The following WWOX variants were observed in gnomAD, a reference collection of about 807,000 sequenced individuals.
WWOX encodes WW domain containing oxidoreductase.
In WWOX, 69 loss-of-function variants were observed where a neutral mutation model predicts 46.2. The ratio of observed to expected loss-of-function variants is 1.49; its 90% CI spans 1.23 to 1.82. The LOEUF (loss-of-function observed/expected upper bound fraction) is 1.82. Among genes scored for constraint, WWOX ranks in the 40% most tolerant of loss-of-function variants. The pLI is 0.00. For synonymous variants in WWOX, 359 were observed against 202.6 expected (o/e 1.77, Z -6.56); for missense variants, 919 against 542.6 (o/e 1.69, Z -6.89).
intron 8 of WWOX, among the ~76,000 whole-genome samples, chr16:79,125,464 C>G (rs113943230): frequency 5.9e-4 from 90 of 152,286 alleles, no homozygotes; most frequent in African/African-American, 2.1e-3. Context: ...CTTAATTACG[C>G]TTTCTTTCAT....
intron 8 of WWOX, among the ~76,000 whole-genome samples, chr16:78,878,729 C>G (rs970735151): frequency 1.3e-5 from 2 of 151,982 alleles, no homozygotes; most frequent in African/African-American, 4.8e-5. Flanking sequence ...AGTCTGGCTT[C>G]TATCCTGACA....
chr16:78,963,876 T>C (rs1043876393), intron 8 of WWOX, among the ~76,000 whole-genome samples: 1 of 152,158 alleles, frequency 6.6e-6, no homozygotes, highest in Non-Finnish European at 1.5e-5. Flanking sequence ...GGAGAGGTAA[T>C]TGAATCATGG....
intron 8 of WWOX, among the ~76,000 whole-genome samples, chr16:78,911,620 C>G (rs750467082): frequency 6.6e-6 from 1 of 152,028 alleles, no homozygotes; most frequent in African/African-American, 2.4e-5. Context: ...AATCCCAACA[C>G]TTTGGGAAGC....
chr16:78,175,581 C>T (rs1033762098), intron 5 of WWOX, among the ~76,000 whole-genome samples: 2 of 152,138 alleles, frequency 1.3e-5, no homozygotes, highest in Non-Finnish European at 2.9e-5. Flanking sequence ...GAGGCCCATG[C>T]AACAAGGAAT....
intron 8 of WWOX, among the ~76,000 whole-genome samples, chr16:79,183,007 T>C (rs1191901611): frequency 6.6e-6 from 1 of 152,206 alleles, no homozygotes; most frequent in Non-Finnish European, 1.5e-5. Context: ...GTGGTGGCCC[T>C]CGTCTGACAC....
At chr16:78,524,404 A>G (rs890705021) in intron 8 of WWOX, among the ~76,000 whole-genome samples, 14 of 139,030 alleles carry the variant, frequency 1.0e-4, no homozygotes, top group Admixed American at 4.2e-4. Flanking sequence ...TTATTTATTT[A>G]TTTGTTTATT....
intron 8 of WWOX, chr16:78,890,149 A>T (rs1370483747): frequency 1.3e-5 from 2 of 152,230 alleles, no homozygotes; most frequent in Admixed American, 1.3e-4. Flanking sequence ...CATCAATGTC[A>T]TAACAGTTTT....
intron 8 of WWOX, among the ~76,000 whole-genome samples, chr16:78,620,393 T>C (rs2046148566): frequency 6.6e-6 from 1 of 152,178 alleles, no homozygotes. Context: ...CAGACTCGTG[T>C]AGAAGTTTCT....
chr16:78,937,260 C>G (rs572085461), intron 8 of WWOX, among the ~76,000 whole-genome samples: 56 of 152,106 alleles, frequency 3.7e-4, no homozygotes, highest in African/African-American at 1.3e-3. Context: ...GAAAGTGACC[C>G]AAATAATACA....
At chr16:79,188,859 A>G (rs1300724293) in intron 8 of WWOX, among the ~76,000 whole-genome samples, 5 of 152,208 alleles carry the variant, frequency 3.3e-5, no homozygotes, top group Non-Finnish European at 7.3e-5. Flanking sequence ...GCGCCAAGGT[A>G]AGCTGAAGGC....
intron 5 of WWOX, among the ~76,000 whole-genome samples, chr16:78,353,277 G>C (rs2081219206): frequency 6.6e-6 from 1 of 152,180 alleles, no homozygotes; most frequent in African/African-American, 2.4e-5. Flanking sequence ...ACACAGATGA[G>C]GCTATTAGGA....
Position 78,903,185 on chromosome 16 carries a change from T to C in WWOX, c.1057-308423T>C, listed in dbSNP as rs966895386. ...CTAAATACTCCCTAGATGTTTCCCA[T>C]TGGCCACTTGGGGTACACCCCTTAT... On this transcript the variant is annotated intron_variant, in intron 8 of 8. Coordinates refer to ENST00000566780, the MANE Select transcript of WWOX (RefSeq NM_016373.4). 2.6e-5 allele frequency among the ~76,000 whole-genome samples: 4 copies of C among 152,324 alleles called. 1 individual carries two copies. Among genetic ancestry groups the C allele is most frequent in the African/African-American group, 9.6e-5 (4 of 41,566 alleles).
intron 5 of WWOX, among the ~76,000 whole-genome samples, chr16:78,288,850 T>G (rs928825813): frequency 6.6e-6 from 1 of 152,134 alleles, no homozygotes; most frequent in Non-Finnish European, 1.5e-5. Context: ...TGCTAGATTT[T>G]TTAAGTGGAA....
chr16:78,257,683 T>TAA (rs3214489), intron 5 of WWOX, among the ~76,000 whole-genome samples: 7 of 151,708 alleles, frequency 4.6e-5, no homozygotes, highest in South Asian at 4.2e-4. Context: ...TTGGGAGGCT[T>TAA]AAAAAAAAGA....
At chr16:78,930,188 C>A (rs902400410) in intron 8 of WWOX, among the ~76,000 whole-genome samples, 1 of 148,274 alleles carries the variant, frequency 6.7e-6, no homozygotes, top group African/African-American at 2.5e-5. Flanking sequence ...TTACACCATA[C>A]CCCAGAGCCT....
At chr16:79,077,973 C>T (rs12926047) in intron 8 of WWOX, 57,159 of 151,824 alleles carry the variant, frequency 0.38, 12,716 homozygotes, top group Middle Eastern at 0.49. Flanking sequence ...TCTGTTCCTA[C>T]CTGCTCCTCT....
At chr16:78,909,224 G>A (rs890467982) in intron 8 of WWOX, among the ~76,000 whole-genome samples, 2 of 150,066 alleles carry the variant, frequency 1.3e-5, no homozygotes, top group African/African-American at 2.5e-5. Context: ...ACAGCCAGTC[G>A]TTCATGTTTC....
Position 79,159,605 on chromosome 16 carries a change from C to T in WWOX, c.1057-52003C>T, listed in dbSNP as rs112513090. On this transcript the variant is annotated intron_variant, in intron 8 of 8. Transcript: ENST00000566780. ...GTTACAAAGAGGAGGCTCAGGGTAG[C>T]TGATGAGTCCCCCAGAGATTGTCTC... is the stretch of plus-strand genomic sequence containing the variant. 3.4e-4 allele frequency among the ~76,000 whole-genome samples: 52 copies of T among 152,330 alleles called. 1 individual carries two copies. Among genetic ancestry groups the T allele is most frequent in the African/African-American group, 1.2e-3 (50 of 41,578 alleles).
intron 5 of WWOX, among the ~76,000 whole-genome samples, chr16:78,275,618 G>C (rs1206200398): frequency 6.6e-6 from 1 of 152,200 alleles, no homozygotes; most frequent in Admixed American, 6.5e-5. Flanking sequence ...AGAACAGCAT[G>C]GCAGGCTCCC....
Sources: allele counts gnomAD v4.1 joint callset (sites outside exome capture counted in the v4.1 genomes callset), GRCh38; gene constraint gnomAD v4.1.1; transcripts MANE v1.5; gene names NCBI Gene and HGNC (gene_info 2026-07-23, HGNC 2026-07-21).